FSIP1: variants seen among roughly 807,000 people sequenced by gnomAD.
FSIP1 encodes fibrous sheath interacting protein 1, also known as fibrous sheath-interacting protein 1.
Under a neutral mutation model 60.9 loss-of-function variants are expected in FSIP1, and 65 were observed. The ratio of observed to expected loss-of-function variants is 1.07; its 90% confidence interval spans 0.87 to 1.31. The LOEUF is 1.31. Ranked by LOEUF, FSIP1 falls within the 40% of genes most tolerant of loss-of-function variation. The probability of loss-of-function intolerance (pLI) is 0.00; values close to 1 mark genes in which losing one functional copy is unlikely to be tolerated. For missense variants in FSIP1, 675 were observed against 665.5 expected (o/e 1.01, Z -0.16); for synonymous variants, 209 against 221.2 (o/e 0.94, Z 0.49).
intron 10 of FSIP1, among the ~76,000 whole-genome samples, chr15:39,683,085 G>A (rs1477481172): frequency 1.3e-5 from 2 of 152,178 alleles, no homozygotes; most frequent in African/African-American, 4.8e-5. Context: ...TGGGTTCTTG[G>A]AAAACAGGTC....
intron 5 of FSIP1, among the ~76,000 whole-genome samples, chr15:39,745,795 T>C (rs754154857): frequency 4.9e-4 from 75 of 152,044 alleles, no homozygotes; most frequent in Admixed American, 9.2e-4. Flanking sequence ...AATGTTATAA[T>C]AAAATGACAG....
chr15:39,709,363 G>T (rs1345355568), intron 10 of FSIP1, among the ~76,000 whole-genome samples: 2 of 152,156 alleles, frequency 1.3e-5, no homozygotes, highest in Non-Finnish European at 2.9e-5. Flanking sequence ...CTGGTTGGAG[G>T]GCAGTAGACT....
intron 5 of FSIP1, among the ~76,000 whole-genome samples, chr15:39,751,419 AC>A (rs1897158932): frequency 2.1e-3 from 1 of 484 alleles, no homozygotes; most frequent in South Asian, 0.033. Flanking sequence ...TAATACATAA[AC>A]ACACACACAC....
chr15:39,713,509 G>A lies in FSIP1; in HGVS notation c.1123C>T (p.Gln375Ter). Residue 375 changes from glutamine (Q) to a stop codon, truncating the protein, a stop_gained, in exon 10 of 12, where the codon CAA becomes TAA. Coordinates refer to ENST00000350221, the MANE Select transcript of FSIP1 (RefSeq NM_152597.5). LOFTEE classifies it high-confidence loss of function. ...GEKILRNTKE[Q>*]RDLHNRLREI... ...CTCAGCCGATTATGCAGATCGCGTTGCTCTTTGGTGTTCCTAAGTATCTTT... is the reference window on the plus strand; with the variant it reads ...CTCAGCCGATTATGCAGATCGCGTTACTCTTTGGTGTTCCTAAGTATCTTT... 1 of 1,610,166 alleles carries A rather than the reference G, an allele frequency of 6.2e-7. No individual in the cohort carries two copies. The highest frequency in any genetic ancestry group is 8.5e-7 in the Non-Finnish European group (1 of 1,178,180).
At chr15:39,669,855 G>A (rs889313627) in intron 10 of FSIP1, among the ~76,000 whole-genome samples, 4 of 152,174 alleles carry the variant, frequency 2.6e-5, no homozygotes, top group African/African-American at 7.2e-5. Context: ...AAAGCCAGCA[G>A]CATGCATATA....
chr15:39,717,210 C>A (rs1277978635), intron 9 of FSIP1, among the ~76,000 whole-genome samples: 1 of 152,108 alleles, frequency 6.6e-6, no homozygotes. Flanking sequence ...ATAACTAAAG[C>A]CTTGTACACA....
chr15:39,710,068 T>G (rs1184277381), intron 10 of FSIP1, among the ~76,000 whole-genome samples: 1 of 152,192 alleles, frequency 6.6e-6, no homozygotes, highest in Non-Finnish European at 1.5e-5. Context: ...TGAGGTACAG[T>G]GCGTTTTCAG....
chr15:39,773,735 G>C (rs1897963673), intron 2 of FSIP1, among the ~76,000 whole-genome samples: 1 of 152,168 alleles, frequency 6.6e-6, no homozygotes, highest in African/African-American at 2.4e-5. Context: ...AATGTATTAA[G>C]TATGCTAGGA....
chr15:39,710,847 T>A (rs79904434), intron 10 of FSIP1, among the ~76,000 whole-genome samples: 2,498 of 152,352 alleles, frequency 0.016, 52 homozygotes, highest in African/African-American at 0.054. Context: ...TACTTTAGTA[T>A]CTGTAAAATA....
At chr15:39,603,225 G>C (rs919261617) in intron 11 of FSIP1, among the ~76,000 whole-genome samples, 1 of 152,214 alleles carries the variant, frequency 6.6e-6, no homozygotes, top group Non-Finnish European at 1.5e-5. Flanking sequence ...ATGAATGGAT[G>C]GCAGATGGAT....
chr15:39,611,316 GT>G (rs1032877084), intron 11 of FSIP1, among the ~76,000 whole-genome samples: 1 of 151,278 alleles, frequency 6.6e-6, no homozygotes, highest in Admixed American at 6.6e-5. Context: ...TTTTGTTGTT[GT>G]TTTTTTTTAT....
intron 11 of FSIP1, among the ~76,000 whole-genome samples, chr15:39,612,565 T>G (rs1055643425): frequency 6.6e-6 from 1 of 151,950 alleles, no homozygotes; most frequent in African/African-American, 2.4e-5. Context: ...ATAAACAATC[T>G]AATGTTAAAC....
At chr15:39,649,856 T>C (rs990950500) in intron 10 of FSIP1, among the ~76,000 whole-genome samples, 23 of 152,340 alleles carry the variant, frequency 1.5e-4, no homozygotes, top group African/African-American at 5.3e-4. Context: ...CCCGATTGCC[T>C]TCCATAGAAA....
chr15:39,702,697 G>A (rs1193729870), intron 10 of FSIP1, among the ~76,000 whole-genome samples: 6 of 150,662 alleles, frequency 4.0e-5, no homozygotes, highest in Non-Finnish European at 8.9e-5. Context: ...TGGTGTGAGT[G>A]TGTATCACAT....
At chr15:39,686,430 C>T (rs1894376232) in intron 10 of FSIP1, among the ~76,000 whole-genome samples, 2 of 152,268 alleles carry the variant, frequency 1.3e-5, no homozygotes, top group Admixed American at 1.3e-4. Flanking sequence ...AGAAGAATAT[C>T]TCACCAAACT....
chr15:39,732,347 TG>T (rs1896437877), intron 8 of FSIP1, among the ~76,000 whole-genome samples: 1 of 152,242 alleles, frequency 6.6e-6, no homozygotes, highest in Admixed American at 6.5e-5. Flanking sequence ...CGGTTGGGCA[TG>T]GTGCCTCACG....
chr15:39,739,892 ACAGAAGAACTAACTTCTACATTC>A (rs1299165062), intron 6 of FSIP1, 103 bp from the exon 7 acceptor site: 3 of 640,780 alleles, frequency 4.7e-6, no homozygotes, highest in Non-Finnish European at 7.4e-6. Flanking sequence ...TAAAACACAC[ACAGAAGAACTAACTTCTACATTC>A]CAGATCCAGA....
intron 10 of FSIP1, among the ~76,000 whole-genome samples, chr15:39,666,719 T>C (rs189469742): frequency 8.5e-5 from 13 of 152,296 alleles, no homozygotes; most frequent in African/African-American, 3.1e-4. Context: ...TCAGAGTCAA[T>C]CAAGTCCAAT....
intron 10 of FSIP1, among the ~76,000 whole-genome samples, chr15:39,672,913 A>G (rs1893778074): frequency 6.6e-6 from 1 of 151,756 alleles, no homozygotes; most frequent in Admixed American, 6.5e-5. Flanking sequence ...GGCATGCTCA[A>G]TACAGAACTA....
Sources: gnomAD v4.1 joint callset for allele counts (sites outside exome capture counted in the v4.1 genomes callset) on GRCh38, gnomAD v4.1.1 for gene constraint, MANE v1.5 for transcripts, NCBI Gene and HGNC (gene_info 2026-07-23, HGNC 2026-07-21) for gene names.